Variants in RNF213 observed in about 807,000 individuals in gnomAD.
RNF213 encodes the protein ring finger protein 213, also known as E3 ubiquitin-protein ligase RNF213.
In RNF213, 341 loss-of-function variants were observed where a neutral mutation model predicts 514.4. The ratio of observed to expected loss-of-function variants is 0.66; its 90% CI spans 0.61 to 0.73. The LOEUF (loss-of-function observed/expected upper bound fraction) is 0.73, where lower values mean the gene tolerates loss of function less well. RNF213 is among the 30% of genes least tolerant of loss of function. The probability of loss-of-function intolerance (pLI) is 0.00; values close to 1 mark genes in which losing one functional copy is unlikely to be tolerated. For missense variants in RNF213, 5,767 were observed against 6,615.6 expected (o/e 0.87, Z 4.45); for synonymous variants, 2,655 against 2,658.2 (o/e 1.00, Z 0.04).
chr17:80,345,358 C>A lies in RNF213; in HGVS notation c.7023C>A (p.Ile2341=). ...DAISHLTGKV[I]KRDVMTRDLY... ...TCAGTCACTTGACTGGGAAGGTCAT[C>A]AAGAGAGACGTCATGACCAGGGACC... is the stretch of plus-strand genomic sequence containing the variant. Residue 2341 remains isoleucine (I), a synonymous_variant, in exon 29 of 68, where the codon ATC becomes ATA. Transcript: ENST00000582970. The surrounding 1 kb of genome is among the most constrained non-coding windows in gnomAD (Gnocchi z 6.0). 1 of 1,614,124 alleles carries A rather than the reference C, an allele frequency of 6.2e-7. No homozygotes were observed. Among genetic ancestry groups the A allele is most frequent in the South Asian group, 1.1e-5 (1 of 91,074 alleles).
At chr17:80,391,538 G>A (rs1477463623) in intron 67 of RNF213, among the ~76,000 whole-genome samples, 3 of 151,848 alleles carry the variant, frequency 2.0e-5, no homozygotes, top group African/African-American at 7.3e-5. Flanking sequence ...ACCACACCCA[G>A]CCTAAATTAC....
chr17:80,281,487 TA>T (rs2044281316), intron 3 of RNF213, among the ~76,000 whole-genome samples: 3 of 18,252 alleles, frequency 1.6e-4, no homozygotes, highest in Non-Finnish European at 2.3e-4. Context: ...CCCCCCAACA[TA>T]CATACACCCC....
intron 54 of RNF213, among the ~76,000 whole-genome samples, chr17:80,379,066 CGTGTGG>C (rs2079877865): frequency 6.6e-6 from 1 of 152,028 alleles, no homozygotes; most frequent in African/African-American, 2.4e-5. Flanking sequence ...TGCGTGCATG[CGTGTGG>C]TCCCAGCTAC....
Position 80,377,648 on chromosome 17 carries a change from C to G in RNF213, c.13511-114C>G. ...ACAAATTAGCGTGGGATGCTCTGGA[C>G]AGTCATTCTCATATTGTGGTCAGGG... On this transcript the variant is annotated intron_variant, in intron 53 of 67. Coordinates refer to ENST00000582970, the MANE Select transcript of RNF213 (RefSeq NM_001256071.3). The surrounding 1 kb of genome is among the most constrained non-coding windows in gnomAD (Gnocchi z 4.1). 9.0e-7 allele frequency: 1 copy of G among 1,110,322 alleles called. No individual in the cohort carries two copies. Among genetic ancestry groups the G allele is most frequent in the Non-Finnish European group, 1.4e-6 (1 of 720,296 alleles). 68.8% of individuals were successfully genotyped at this position (1,110,322 alleles called of 1,614,324 possible).
chr17:80,263,662 G>A lies in RNF213; in HGVS notation c.-20G>A, dbSNP rs1334108419. On this transcript the variant is annotated 5_prime_UTR_variant, in exon 2 of 68. Coordinates refer to ENST00000582970, the MANE Select transcript of RNF213 (RefSeq NM_001256071.3). This position sits in a 1 kb window ranked among gnomAD's most constrained non-coding sequence, Gnocchi z 4.9. ...TCCTGCTCTTGCTTCTGGATCTGCA[G>A]GGCAGTCCCAGCAGGACCCATGGAG... 1.2e-6 allele frequency: 2 copies of A among 1,606,266 alleles called. No homozygotes were observed. The highest frequency in any genetic ancestry group is 8.5e-7 in the Non-Finnish European group (1 of 1,172,826).
In RNF213 at chr17:80,327,993, A is replaced by G; in HGVS notation, c.3367+4A>G. 2.0e-6 allele frequency: 3 copies of G among 1,537,266 alleles called. No individual in the cohort carries two copies. The highest frequency in any genetic ancestry group is 2.6e-6 in the Non-Finnish European group (3 of 1,146,892). ...TTTCTTGACATCTGGCAACTGAGTAAGCATCGAGTCGATACGCACTTCAGG... is the reference window on the plus strand; with the variant it reads ...TTTCTTGACATCTGGCAACTGAGTAGGCATCGAGTCGATACGCACTTCAGG... On this transcript the variant is annotated splice_donor_region_variant and intron_variant, in intron 19 of 67. Coordinates refer to ENST00000582970, the MANE Select transcript of RNF213 (RefSeq NM_001256071.3).
At chr17:80,392,292 C>T (rs2080506015) in intron 67 of RNF213, among the ~76,000 whole-genome samples, 1 of 152,178 alleles carries the variant, frequency 6.6e-6, no homozygotes, top group Admixed American at 6.5e-5. Context: ...CTAGCCTGTG[C>T]TTTTCATGTA....
At chr17:80,334,030 G>C in intron 21 of RNF213, 75 bp from the exon 22 acceptor site, 3 of 1,518,234 alleles carry the variant, frequency 2.0e-6, no homozygotes, top group East Asian at 4.9e-5. Flanking sequence ...TGCTGGGACG[G>C]TCAGTGCTTG....
rs368645346 is a variant in RNF213, at chr17:80,309,742, G to GT, written c.2655+581dup. 2.6e-3 allele frequency among the ~76,000 whole-genome samples: 392 copies of GT among 148,608 alleles called. 16 individuals are homozygous for GT. In the East Asian group the frequency reaches 0.062, roughly 24 times the overall value. The stretch of plus-strand genomic sequence containing the variant: ...CTGTTGTGACTTCTCCCATGGATCA[G>GT]TTTTTTTTTTGTTTTTTGTTTTTTG... On this transcript the variant is annotated intron_variant, in intron 14 of 67. Coordinates refer to ENST00000582970, the MANE Select transcript of RNF213 (RefSeq NM_001256071.3).
At chr17:80,289,153 G>A (rs1313562248) in intron 5 of RNF213, among the ~76,000 whole-genome samples, 1 of 152,190 alleles carries the variant, frequency 6.6e-6, no homozygotes, top group Non-Finnish European at 1.5e-5. Context: ...AGGAGGAGTT[G>A]GGGGAGGAGA....
intron 5 of RNF213, 147 bp from the exon 6 acceptor site, chr17:80,289,512 C>A (rs1433329171): frequency 7.3e-6 from 6 of 820,816 alleles, no homozygotes; most frequent in Non-Finnish European, 1.2e-5. Flanking sequence ...ATTGCTTGAG[C>A]CTGGGAGGCG....
chr17:80,374,274 ACTGAG>A (rs1414472669), intron 49 of RNF213, among the ~76,000 whole-genome samples, 179 bp from the exon 50 acceptor site: 1 of 152,200 alleles, frequency 6.6e-6, no homozygotes, highest in Non-Finnish European at 1.5e-5. Context: ...CTCTTCGTCT[ACTGAG>A]GAGGAAGCTC....
At chr17:80,384,035 C>T (rs2080131042) in intron 59 of RNF213, 107 bp downstream of exon 59, 3 of 1,392,504 alleles carry the variant, frequency 2.2e-6, no homozygotes, top group Non-Finnish European at 3.0e-6. Context: ...ACAGACTATT[C>T]CAGTGCTTTG....
At chr17:80,388,926 C>G (rs771533041) in intron 64 of RNF213, 98 of 622,762 alleles carry the variant, frequency 1.6e-4, no homozygotes, top group South Asian at 6.3e-4. Flanking sequence ...ATGGCCATGC[C>G]TGCTGAAGCG....
Position 80,274,094 on chromosome 17 carries a change from C to T in RNF213, c.261+690C>T, listed in dbSNP as rs150324255. On this transcript the variant is annotated intron_variant, in intron 3 of 67. Transcript: ENST00000582970. ...TGCTGCTTCGGGGCAGGGACCTGAGCGTCCGCTGGGTGCGTGTCTTGCGCT... is the reference window on the plus strand; with the variant it reads ...TGCTGCTTCGGGGCAGGGACCTGAGTGTCCGCTGGGTGCGTGTCTTGCGCT... Among the ~76,000 whole-genome samples, 665 of 152,190 alleles carry T rather than the reference C, an allele frequency of 4.4e-3. 7 individuals are homozygous for T. Among genetic ancestry groups the T allele is most frequent in the African/African-American group, 0.015 (622 of 41,508 alleles).
chr17:80,265,036 G>GTTTTTT (rs140687760), intron 2 of RNF213, among the ~76,000 whole-genome samples: 1 of 133,234 alleles, frequency 7.5e-6, no homozygotes, highest in African/African-American at 3.1e-5. Flanking sequence ...GTCCTTCCAT[G>GTTTTTT]TTTGTTTGTT....
chr17:80,357,661 A>G (rs765609360), intron 36 of RNF213, among the ~76,000 whole-genome samples: 2 of 152,186 alleles, frequency 1.3e-5, no homozygotes, highest in Non-Finnish European at 2.9e-5. Context: ...TTACATACAA[A>G]AATTATGCAG....
rs757174029 is a variant in RNF213, at chr17:80,345,425, G to A, written c.7090G>A (p.Asp2364Asn). 7.4e-6 allele frequency: 12 copies of A among 1,613,504 alleles called. No homozygotes were observed. In the African/African-American group the frequency reaches 9.3e-5, roughly 13 times the overall value. The change falls in exon 29 of 68, where the codon GAC becomes AAC. Residue 2364 changes from aspartate (D) to asparagine (N), a missense_variant. Asp to Asn is a conservative substitution (Grantham distance 23). Around this residue, in one of 13 missense-constraint regions of RNF213, gnomAD observed 1,377 missense variants for 1,635.2 expected, o/e 0.84. Coordinates refer to ENST00000582970, the MANE Select transcript of RNF213 (RefSeq NM_001256071.3). The surrounding 1 kb of genome is among the most constrained non-coding windows in gnomAD (Gnocchi z 6.0). ...GCTCCAGAGGGTGCCCTTCAATGTC[G>A]ACTTTGATAAACTGCCCAGACACAA... ...LLLQRVPFNV[D>N]FDKLPRHKKL...
At chr17:80,338,186 G>C (rs1178137576) in intron 25 of RNF213, among the ~76,000 whole-genome samples, 189 bp downstream of exon 25, 1 of 152,196 alleles carries the variant, frequency 6.6e-6, no homozygotes, top group Non-Finnish European at 1.5e-5. Context: ...CGCGGCCCCA[G>C]AGAGGTCTTA....
Sources: gnomAD v4.1 joint callset for allele counts (sites outside exome capture counted in the v4.1 genomes callset) on GRCh38, gnomAD v4.1.1 for gene constraint, gnomAD v4.1.1 regional missense constraint, Gnocchi (gnomAD v3.1) non-coding constraint, MANE v1.5 for transcripts, NCBI Gene and HGNC (gene_info 2026-07-23, HGNC 2026-07-21) for gene names.